TLR6: variants seen among roughly 807,000 people sequenced by gnomAD.
The protein encoded by TLR6 is toll like receptor 6, also known as toll-like receptor 6.
A neutral mutation model predicts 16.1 loss-of-function variants in TLR6; 9 were observed. That is an observed-to-expected ratio of 0.56 (90% confidence interval 0.34 to 0.98). The LOEUF (loss-of-function observed/expected upper bound fraction) is 0.98, where lower values mean the gene tolerates loss of function less well. Among genes scored for constraint, TLR6 ranks in the 50% least tolerant of loss-of-function variants. The pLI is 0.02. For synonymous variants in TLR6, 340 were observed against 338.6 expected (o/e 1.00, Z -0.04); for missense variants, 786 against 921.0 (o/e 0.85, Z 1.90).
exon 2 of TLR6, chr4:38,826,882 A>G: frequency 2.0e-6 from 1 of 501,440 alleles, no homozygotes; most frequent in Non-Finnish European, 3.5e-6. Flanking sequence ...TAATGATTAA[A>G]CCAGAAGAGA....
upstream of TLR6, among the ~76,000 whole-genome samples, chr4:38,858,083 G>C (rs1325958772): frequency 1.3e-5 from 2 of 152,204 alleles, no homozygotes; most frequent in Non-Finnish European, 2.9e-5. Flanking sequence ...GACTATTCTT[G>C]TCGAGGCTGT....
At chr4:38,861,461 C>T (rs1356413872), upstream of TLR6, among the ~76,000 whole-genome samples, 5 of 152,222 alleles carry the variant, frequency 3.3e-5, no homozygotes, top group African/African-American at 1.2e-4. Flanking sequence ...CCAGTGCCAA[C>T]GATTCCCCAG....
chr4:38,833,311 G>T (rs1240699103), intron 1 of TLR6, among the ~76,000 whole-genome samples: 1 of 152,192 alleles, frequency 6.6e-6, no homozygotes, highest in African/African-American at 2.4e-5. Context: ...GCAAGCCTAG[G>T]CCACTGCTGC....
intron 1 of TLR6, among the ~76,000 whole-genome samples, chr4:38,854,199 C>T (rs1003244637): frequency 6.6e-6 from 1 of 151,998 alleles, no homozygotes; most frequent in Non-Finnish European, 1.5e-5. Context: ...CACGTTAAAT[C>T]AAAAAAGCAC....
chr4:38,832,007 A>G (rs1325315765), intron 1 of TLR6, among the ~76,000 whole-genome samples: 2 of 152,234 alleles, frequency 1.3e-5, no homozygotes, highest in Non-Finnish European at 2.9e-5. Flanking sequence ...GTATTTAACC[A>G]AAAGAACTGA....
At chr4:38,836,803 G>A (rs1218918176) in intron 1 of TLR6, among the ~76,000 whole-genome samples, 1 of 151,994 alleles carries the variant, frequency 6.6e-6, no homozygotes, top group Non-Finnish European at 1.5e-5. Context: ...AGCCAGGTGT[G>A]TTGGCAGACA....
the TLR6 span, among the ~76,000 whole-genome samples, chr4:38,862,590 A>AT: frequency 0.087 from 6,391 of 73,722 alleles, 626 homozygotes; most frequent in African/African-American, 0.15. Context: ...CCCAATCACC[A>AT]TTTTTTTTTT....
At chr4:38,861,578 C>T (rs1383695072), upstream of TLR6, among the ~76,000 whole-genome samples, 1 of 152,216 alleles carries the variant, frequency 6.6e-6, no homozygotes, top group Non-Finnish European at 1.5e-5. Context: ...CTCCACTGGA[C>T]TACACTGAGC....
exon 2 of TLR6, chr4:38,827,391 T>C: frequency 1.9e-6 from 3 of 1,614,218 alleles, no homozygotes; most frequent in Non-Finnish European, 2.5e-6. Flanking sequence ...GACTTGTAAC[T>C]CTTCTCAATG....
intron 1 of TLR6, among the ~76,000 whole-genome samples, chr4:38,850,772 C>A (rs141273518): frequency 6.6e-6 from 1 of 152,122 alleles, no homozygotes; most frequent in Non-Finnish European, 1.5e-5. Context: ...CAGGACCAGA[C>A]GGATTCACAG....
chr4:38,841,924 T>C (rs1169318670), intron 1 of TLR6, among the ~76,000 whole-genome samples: 1 of 152,268 alleles, frequency 6.6e-6, no homozygotes. Context: ...AATATTGTCA[T>C]GTTTTCATAT....
At chr4:38,824,104 G>C (rs1404485591) in exon 2 of TLR6, 3 of 151,114 alleles carry the variant, frequency 2.0e-5, no homozygotes, top group Non-Finnish European at 4.4e-5. Flanking sequence ...CCCTGCCTGG[G>C]CTTTTTAGAT....
At chr4:38,840,117 T>G (rs75717716) in intron 1 of TLR6, among the ~76,000 whole-genome samples, 3,073 of 152,348 alleles carry the variant, frequency 0.02, 48 homozygotes, top group Non-Finnish European at 0.026. Flanking sequence ...GTTTGTTTTC[T>G]TCCATTCAGC....
intron 1 of TLR6, among the ~76,000 whole-genome samples, chr4:38,845,917 C>T (rs1219805732): frequency 6.6e-6 from 1 of 151,792 alleles, no homozygotes; most frequent in Non-Finnish European, 1.5e-5. Flanking sequence ...CATGGTGAAA[C>T]CCTGTCTCCA....
At chr4:38,853,800 C>A (rs1290795672) in intron 1 of TLR6, among the ~76,000 whole-genome samples, 1 of 152,148 alleles carries the variant, frequency 6.6e-6, no homozygotes, top group Non-Finnish European at 1.5e-5. Flanking sequence ...ACAAATCCCT[C>A]AATTATCCAA....
intron 1 of TLR6, among the ~76,000 whole-genome samples, chr4:38,831,292 G>GT (rs1711562970): frequency 1.2e-5 from 1 of 86,646 alleles, no homozygotes; most frequent in East Asian, 5.7e-4. Flanking sequence ...ACCTCCACAT[G>GT]CAAAAAAAAA....
intron 1 of TLR6, among the ~76,000 whole-genome samples, chr4:38,855,376 T>C (rs1277771473): frequency 6.6e-6 from 1 of 152,196 alleles, no homozygotes; most frequent in African/African-American, 2.4e-5. Flanking sequence ...TGAATTTAAT[T>C]TTCTTTCTTA....
chr4:38,867,197 C>T, the TLR6 span, among the ~76,000 whole-genome samples: 1 of 152,180 alleles, frequency 6.6e-6, no homozygotes, highest in East Asian at 1.9e-4. Flanking sequence ...TTGAGATTGT[C>T]TCCGGCTTCC....
At chr4:38,827,254 T>C in exon 2 of TLR6, 1 of 1,614,162 alleles carries the variant, frequency 6.2e-7, no homozygotes. Flanking sequence ...TGCTGTTCTG[T>C]GGAATGGGTT....
Sources: gnomAD v4.1 joint callset for allele counts (sites outside exome capture counted in the v4.1 genomes callset) on GRCh38, gnomAD v4.1.1 for gene constraint, MANE v1.5 for transcripts, NCBI Gene and HGNC (gene_info 2026-07-23, HGNC 2026-07-21) for gene names.